Variants in FGD5 observed in about 807,000 individuals in gnomAD.
FGD5 encodes the protein FYVE, RhoGEF and PH domain containing 5, also known as FYVE, RhoGEF and PH domain-containing protein 5.
In FGD5, 28 loss-of-function variants were observed where a neutral mutation model predicts 133.4. The observed-to-expected ratio is 0.21, with a 90% CI of 0.16 to 0.29. The LOEUF (loss-of-function observed/expected upper bound fraction) is 0.29, where lower values mean the gene tolerates loss of function less well. Ranked by LOEUF, FGD5 falls within the 10% of genes least tolerant of loss-of-function variation. The pLI, the probability that FGD5 is intolerant of heterozygous loss-of-function variation, is 1.00. For missense variants in FGD5, 1,858 were observed against 1,895.2 expected (o/e 0.98, Z 0.36); for synonymous variants, 810 against 776.5 (o/e 1.04, Z -0.72).
chr3:14,815,351 C>CAA (rs71630867), upstream of FGD5, among the ~76,000 whole-genome samples: 4,765 of 136,196 alleles, frequency 0.035, 240 homozygotes, highest in African/African-American at 0.12. Context: ...TCTAAAATCG[C>CAA]AAAAAAAAAA....
chr3:14,894,921 T>C (rs973883811), intron 4 of FGD5, among the ~76,000 whole-genome samples: 10 of 42,390 alleles, frequency 2.4e-4, no homozygotes, highest in Admixed American at 1.1e-3. Context: ...GGTGAGATGA[T>C]ACCTTGTAGT....
At chr3:14,826,231 C>T (rs941456859) in intron 1 of FGD5, among the ~76,000 whole-genome samples, 3 of 152,134 alleles carry the variant, frequency 2.0e-5, no homozygotes, top group Non-Finnish European at 2.9e-5. Flanking sequence ...GCTGCACTGG[C>T]TTTCTCTCTC....
intron 11 of FGD5, among the ~76,000 whole-genome samples, chr3:14,913,736 T>G (rs868040132): frequency 6.6e-6 from 1 of 152,248 alleles, no homozygotes. Flanking sequence ...CAGCCTGGCT[T>G]TCCCCAATCT....
At chr3:14,848,279 C>T (rs1162111985) in intron 1 of FGD5, among the ~76,000 whole-genome samples, 2 of 152,120 alleles carry the variant, frequency 1.3e-5, no homozygotes, top group East Asian at 3.9e-4. Flanking sequence ...CGCGCCTCTT[C>T]CCTCCAAGAC....
intron 1 of FGD5, among the ~76,000 whole-genome samples, chr3:14,856,996 A>T (rs2037293305): frequency 6.6e-6 from 1 of 152,158 alleles, no homozygotes; most frequent in African/African-American, 2.4e-5. Context: ...TAACAGTAAG[A>T]TGTCAGCTGT....
chr3:14,912,175 G>C (rs7627003), intron 11 of FGD5, among the ~76,000 whole-genome samples: 92,273 of 151,990 alleles, frequency 0.61, 28,723 homozygotes, highest in African/African-American at 0.71. Context: ...ATTCCAGAGA[G>C]AGCTGGTGGT....
At chr3:14,812,456 C>G (rs1276977969) in intron 1 of FGD5, among the ~76,000 whole-genome samples, 1 of 152,234 alleles carries the variant, frequency 6.6e-6, no homozygotes, top group Non-Finnish European at 1.5e-5. Context: ...GGCAGACCCT[C>G]CCTTCTCTGA....
intron 18 of FGD5, among the ~76,000 whole-genome samples, chr3:14,928,561 A>G (rs1430785945): frequency 6.6e-6 from 1 of 152,108 alleles, no homozygotes; most frequent in Non-Finnish European, 1.5e-5. Context: ...CCTGGCCAAC[A>G]TGGCAAAACC....
intron 1 of FGD5, among the ~76,000 whole-genome samples, chr3:14,858,355 GTGGA>G (rs61642170): frequency 8.0e-4 from 105 of 130,972 alleles, no homozygotes; most frequent in Middle Eastern, 3.8e-3. Context: ...GGGTGGGTGG[GTGGA>G]TGGATGGATG....
At position 14,830,405 on chromosome 3, in the gene FGD5, A is replaced by C. The variant is rs188889347; in HGVS notation, c.2525+8809A>C. On this transcript the variant is annotated intron_variant, in intron 1 of 19. Transcript: ENST00000285046. ...TACAGGGAAGGACCCTAATAAGAAA[A>C]TCGTGTCAGGAACGCACTCATTGTA... is the stretch of plus-strand genomic sequence containing the variant. Among the ~76,000 whole-genome samples, 31 of 152,330 alleles carry C rather than the reference A, an allele frequency of 2.0e-4. No homozygotes were observed. The East Asian group carries it at 4.4e-3, about 22-fold the overall frequency.
At chr3:14,905,610 A>G (rs1180889418) in intron 9 of FGD5, among the ~76,000 whole-genome samples, 3 of 152,062 alleles carry the variant, frequency 2.0e-5, no homozygotes, top group South Asian at 2.1e-4. Context: ...TTTACTTTCA[A>G]AATTTCCATT....
intron 4 of FGD5, among the ~76,000 whole-genome samples, chr3:14,894,119 C>G (rs771718568): frequency 6.6e-6 from 1 of 152,132 alleles, no homozygotes; most frequent in Non-Finnish European, 1.5e-5. Context: ...ATTGCCACCC[C>G]CTTCCCACCT....
intron 16 of FGD5, chr3:14,923,472 T>C: frequency 2.5e-6 from 1 of 405,998 alleles, no homozygotes; most frequent in South Asian, 2.9e-5. Flanking sequence ...GAGGCCCTCT[T>C]GTCAAGTATC....
intron 4 of FGD5, among the ~76,000 whole-genome samples, chr3:14,896,256 T>G (rs1575239798): frequency 6.6e-6 from 1 of 152,064 alleles, no homozygotes; most frequent in Non-Finnish European, 1.5e-5. Flanking sequence ...AAAATACCAA[T>G]GACATTCTTC....
intron 2 of FGD5, among the ~76,000 whole-genome samples, chr3:14,871,621 G>T (rs894504174): frequency 6.6e-6 from 1 of 152,130 alleles, no homozygotes; most frequent in East Asian, 1.9e-4. Context: ...CAGAGGGGAC[G>T]GGAGAGAAGA....
chr3:14,890,439 C>T (rs111884763), intron 4 of FGD5, among the ~76,000 whole-genome samples: 10 of 152,142 alleles, frequency 6.6e-5, no homozygotes, highest in African/African-American at 1.7e-4. Flanking sequence ...GCAGGCACTC[C>T]GAATATTTGC....
At chr3:14,889,043 A>T (rs2037975838) in intron 4 of FGD5, among the ~76,000 whole-genome samples, 1 of 152,220 alleles carries the variant, frequency 6.6e-6, no homozygotes, top group Admixed American at 6.5e-5. Context: ...AGAAGTGAAC[A>T]GTCAGCTGCA....
chr3:14,901,211 T>C lies in FGD5; in HGVS notation c.3264+150T>C. 7 of 791,250 alleles carry C rather than the reference T, an allele frequency of 8.8e-6. 2 individuals are homozygous for C. In the South Asian group the frequency reaches 1.1e-4, roughly 13 times the overall value. 49.0% of individuals were successfully genotyped at this position (791,250 alleles called of 1,614,324 possible). On this transcript the variant is annotated intron_variant, in intron 9 of 19. Coordinates refer to ENST00000285046, the MANE Select transcript of FGD5 (RefSeq NM_152536.4). Reference sequence around the variant, plus strand: ...TGCAGAGAGCCGTGGGTTCTGGCTCTGACTCTTGATGTGTGACCTCAGGCG... The same window carrying C: ...TGCAGAGAGCCGTGGGTTCTGGCTCCGACTCTTGATGTGTGACCTCAGGCG...
upstream of FGD5, among the ~76,000 whole-genome samples, chr3:14,815,204 T>C (rs373821849): frequency 1.3e-5 from 2 of 152,230 alleles, no homozygotes; most frequent in South Asian, 4.1e-4. Flanking sequence ...CTGCTTCTCC[T>C]GCTCGATCAC....
Sources: gnomAD v4.1 joint callset for allele counts (sites outside exome capture counted in the v4.1 genomes callset) on GRCh38, gnomAD v4.1.1 for gene constraint, MANE v1.5 for transcripts, NCBI Gene and HGNC (gene_info 2026-07-23, HGNC 2026-07-21) for gene names.